The following ZC3H13 variants were observed in gnomAD, a reference collection of about 807,000 sequenced individuals.
ZC3H13 encodes the protein zinc finger CCCH domain-containing protein 13.
ZC3H13 carries 64 observed loss-of-function variants against 204.1 expected under a neutral mutation model. That is an observed-to-expected ratio of 0.31 (90% confidence interval 0.26 to 0.39). The LOEUF (loss-of-function observed/expected upper bound fraction) is 0.39. Among genes scored for constraint, ZC3H13 ranks in the 10% least tolerant of loss-of-function variants. The pLI is 1.00. For missense variants in ZC3H13, 1,833 were observed against 2,082.7 expected (o/e 0.88, Z 2.33); for synonymous variants, 667 against 693.7 (o/e 0.96, Z 0.60).
chr13:45,964,080 A>G (rs774859043), intron 16 of ZC3H13, 38 bp from the exon 17 acceptor site: 1 of 1,555,456 alleles, frequency 6.4e-7, no homozygotes, highest in Non-Finnish European at 8.8e-7. Context: ...TTTTACACCA[A>G]GAAATAGCAG....
intron 12 of ZC3H13, among the ~76,000 whole-genome samples, chr13:45,974,528 G>T (rs1433912618): frequency 6.6e-6 from 1 of 152,170 alleles, no homozygotes; most frequent in Non-Finnish European, 1.5e-5. Flanking sequence ...GGTGAGGTGG[G>T]AGAATGCCCT....
intron 4 of ZC3H13, among the ~76,000 whole-genome samples, chr13:46,031,199 A>C (rs2042876364): frequency 6.6e-6 from 1 of 152,204 alleles, no homozygotes; most frequent in Non-Finnish European, 1.5e-5. Flanking sequence ...TCAACAAATC[A>C]TGCTGAAACA....
At chr13:45,962,317 G>C (rs919053626) in intron 17 of ZC3H13, 75 of 985,352 alleles carry the variant, frequency 7.6e-5, no homozygotes, top group Middle Eastern at 5.2e-4. Context: ...TCACTGTTTA[G>C]GTTAAGTCAT....
At position 45,985,463 on chromosome 13, in the gene ZC3H13, C is replaced by T; in HGVS notation, c.1554G>A (p.Lys518=). 6.2e-7 allele frequency: 1 copy of T among 1,614,218 alleles called. No homozygotes were observed. Residue 518 remains lysine (K), a synonymous_variant, in exon 10 of 19, where the codon AAG becomes AAA. Transcript: ENST00000679008. ...GGGATTCTTCTGGATATGTATCCTC[C>T]TTTCGATGAGTATCTCGACCTTCAC... is the stretch of plus-strand genomic sequence containing the variant. ...RDREGRDTHR[K]EDTYPEESRS...
chr13:45,969,166 G>A lies in ZC3H13; in HGVS notation c.3378C>T (p.Ala1126=), dbSNP rs368247953. ...PATLAATTAA[A]ATSFSTSAIT... The stretch of plus-strand genomic sequence containing the variant: ...TGGCAGATGTGCTGAAAGAGGTGGC[G>A]GCAGCAGCAGTAGTGGCAGCAAGAG... The change falls in exon 14 of 19, where the codon GCC becomes GCT. Residue 1126 remains alanine, a synonymous_variant. Coordinates refer to ENST00000679008, the MANE Select transcript of ZC3H13 (RefSeq NM_001330564.2). 18 of 1,613,970 alleles carry A rather than the reference G, an allele frequency of 1.1e-5. No homozygotes were observed. Among genetic ancestry groups the A allele is most frequent in the Admixed American group, 8.3e-5 (5 of 59,980 alleles).
chr13:46,032,022 A>G (rs2042928414), intron 4 of ZC3H13, among the ~76,000 whole-genome samples: 2 of 152,220 alleles, frequency 1.3e-5, no homozygotes, highest in African/African-American at 4.8e-5. Context: ...AGCAACCAAC[A>G]TGTCCTTTGG....
intron 4 of ZC3H13, among the ~76,000 whole-genome samples, chr13:46,024,401 GTCTT>G (rs1179575414): frequency 1.3e-5 from 2 of 152,056 alleles, no homozygotes; most frequent in African/African-American, 4.8e-5. Context: ...ATTTGAAAAG[GTCTT>G]TATTTTATTC....
intron 8 of ZC3H13, among the ~76,000 whole-genome samples, chr13:45,994,326 T>C (rs2040180951): frequency 6.6e-6 from 1 of 152,190 alleles, no homozygotes; most frequent in Non-Finnish European, 1.5e-5. Flanking sequence ...GAGTCAAAAG[T>C]TATACAAGGA....
intron 5 of ZC3H13, among the ~76,000 whole-genome samples, chr13:46,015,380 T>C (rs2041850440): frequency 1.3e-5 from 2 of 152,202 alleles, no homozygotes; most frequent in Admixed American, 6.5e-5. Flanking sequence ...TATGTCTATA[T>C]AGTATCTTTA....
chr13:46,020,418 T>C, intron 5 of ZC3H13, 31 bp downstream of exon 5: 1 of 1,532,004 alleles, frequency 6.5e-7, no homozygotes, highest in Non-Finnish European at 9.0e-7. Context: ...AATCAAGAAT[T>C]CGCCATTTAA....
chr13:46,003,362 A>G, intron 7 of ZC3H13, 26 bp from the exon 8 acceptor site: 5 of 1,590,576 alleles, frequency 3.1e-6, no homozygotes, highest in Non-Finnish European at 4.3e-6. Context: ...AGCTATCATT[A>G]GAGGTTCAAA....
At chr13:46,026,820 C>T (rs971598449) in intron 4 of ZC3H13, among the ~76,000 whole-genome samples, 2 of 152,100 alleles carry the variant, frequency 1.3e-5, no homozygotes, top group Non-Finnish European at 2.9e-5. Flanking sequence ...TGAGAACTTA[C>T]AGCATTAAAG....
chr13:46,018,053 C>A, intron 5 of ZC3H13, among the ~76,000 whole-genome samples: 1 of 152,032 alleles, frequency 6.6e-6, no homozygotes, highest in Non-Finnish European at 1.5e-5. Flanking sequence ...ATTTAAGGGG[C>A]ACACAGAATA....
At chr13:46,013,097 G>C (rs1445447347) in intron 5 of ZC3H13, among the ~76,000 whole-genome samples, 3 of 152,094 alleles carry the variant, frequency 2.0e-5, no homozygotes, top group African/African-American at 4.8e-5. Context: ...CCAACCAAGG[G>C]GGAGAGGCCT....
intron 3 of ZC3H13, among the ~76,000 whole-genome samples, chr13:46,043,933 T>C (rs2139172518): frequency 6.6e-6 from 1 of 152,066 alleles, no homozygotes; most frequent in East Asian, 1.9e-4. Context: ...TTTCACCAGG[T>C]ATGTATCTAC....
At chr13:45,996,043 T>C (rs1489205429) in intron 8 of ZC3H13, among the ~76,000 whole-genome samples, 1 of 152,182 alleles carries the variant, frequency 6.6e-6, no homozygotes, top group African/African-American at 2.4e-5. Flanking sequence ...AACCAAAATA[T>C]CTGGCAGAAT....
At chr13:45,985,833 T>C (rs1954136564) in intron 9 of ZC3H13, 72 bp from the exon 10 acceptor site, 2 of 1,329,760 alleles carry the variant, frequency 1.5e-6, no homozygotes, top group Non-Finnish European at 2.0e-6. Flanking sequence ...ACATATTTAA[T>C]ACAGAACTTT....
intron 14 of ZC3H13, among the ~76,000 whole-genome samples, chr13:45,968,271 TAAA>T (rs565496035): frequency 1.3e-5 from 2 of 148,590 alleles, no homozygotes; most frequent in African/African-American, 2.5e-5. Flanking sequence ...TTCTAATAAA[TAAA>T]AAAAAAAGTT....
At chr13:46,027,849 A>G (rs542982735) in intron 4 of ZC3H13, among the ~76,000 whole-genome samples, 2 of 152,346 alleles carry the variant, frequency 1.3e-5, no homozygotes, top group South Asian at 4.1e-4. Flanking sequence ...AGAATCACAT[A>G]AATGCTCAAT....
Sources: allele counts gnomAD v4.1 joint callset (sites outside exome capture counted in the v4.1 genomes callset), GRCh38; gene constraint gnomAD v4.1.1; transcripts MANE v1.5; gene names NCBI Gene and HGNC (gene_info 2026-07-23, HGNC 2026-07-21).